ADGRL3: variants seen among roughly 807,000 people sequenced by gnomAD.
ADGRL3 encodes the protein adhesion G protein-coupled receptor L3.
In ADGRL3, 62 loss-of-function variants were observed where a neutral mutation model predicts 153.5. The ratio of observed to expected loss-of-function variants is 0.40; its 90% CI spans 0.33 to 0.50. The LOEUF is 0.50. Among genes scored for constraint, ADGRL3 ranks in the 20% least tolerant of loss-of-function variants. The pLI, the probability that ADGRL3 is intolerant of heterozygous loss-of-function variation, is 0.47. For synonymous variants in ADGRL3, 710 were observed against 672.5 expected (o/e 1.06, Z -0.86); for missense variants, 1,641 against 1,859.4 (o/e 0.88, Z 2.16).
chr4:61,850,715 A>T (rs1383696745), intron 9 of ADGRL3, among the ~76,000 whole-genome samples: 1 of 152,172 alleles, frequency 6.6e-6, no homozygotes, highest in Non-Finnish European at 1.5e-5. Context: ...ATTACTCCTT[A>T]ATAATAGCTA....
At position 61,277,011 on chromosome 4, in the gene ADGRL3, A is replaced by G. The variant is rs376471651; in HGVS notation, c.-240+75246A>G. Among the ~76,000 whole-genome samples the G allele has an allele frequency of 2.6e-5, 4 of 152,152 alleles. 1 individual carries two copies. Among genetic ancestry groups the G allele is most frequent in the East Asian group, 1.9e-4 (1 of 5,196 alleles). On this transcript the variant is annotated intron_variant, in intron 1 of 26. Transcript: ENST00000683033. ...TTTCTACTGTAACTATTAGAATGAA[A>G]CTACCCCCTATTTCATTTGTTTATT...
At chr4:61,765,014 C>A (rs1013997243) in intron 8 of ADGRL3, among the ~76,000 whole-genome samples, 4 of 152,000 alleles carry the variant, frequency 2.6e-5, no homozygotes, top group African/African-American at 7.3e-5. Context: ...TATAAAAGGT[C>A]TAAGAATTGG....
intron 3 of ADGRL3, among the ~76,000 whole-genome samples, chr4:61,506,947 A>C (rs958645429): frequency 3.9e-5 from 6 of 152,198 alleles, no homozygotes; most frequent in African/African-American, 9.6e-5. Flanking sequence ...AATAAAAAAA[A>C]CCCTCTGTAT....
At chr4:61,663,789 A>C (rs1295263431) in intron 5 of ADGRL3, among the ~76,000 whole-genome samples, 2 of 152,224 alleles carry the variant, frequency 1.3e-5, no homozygotes, top group East Asian at 3.8e-4. Context: ...AGTTATGAAG[A>C]CTATGTTTCA....
At chr4:61,759,469 A>T (rs9762431) in intron 8 of ADGRL3, among the ~76,000 whole-genome samples, 13,255 of 152,218 alleles carry the variant, frequency 0.087, 1,224 homozygotes, top group African/African-American at 0.23. Flanking sequence ...CAGATCGACT[A>T]CGAGGCTTGT....
At chr4:61,873,696 C>T (rs2098458495) in intron 9 of ADGRL3, among the ~76,000 whole-genome samples, 1 of 152,144 alleles carries the variant, frequency 6.6e-6, no homozygotes, top group Admixed American at 6.5e-5. Context: ...AGCCCTCTCA[C>T]TGAACAAAGA....
chr4:61,806,493 A>G (rs1026757438), intron 8 of ADGRL3, among the ~76,000 whole-genome samples: 2 of 151,876 alleles, frequency 1.3e-5, no homozygotes, highest in African/African-American at 4.8e-5. Flanking sequence ...TTATAAACAC[A>G]TATTTGCTAT....
At chr4:61,241,701 A>G (rs1196091464) in intron 1 of ADGRL3, among the ~76,000 whole-genome samples, 1 of 152,030 alleles carries the variant, frequency 6.6e-6, no homozygotes, top group Non-Finnish European at 1.5e-5. Flanking sequence ...CTTGTTTACA[A>G]CTTAATGTAT....
intron 6 of ADGRL3, among the ~76,000 whole-genome samples, chr4:61,726,210 G>GTGTTTTTTTTTTTTTTTTTTTTTT (rs2096336451): frequency 8.4e-6 from 1 of 118,480 alleles, no homozygotes; most frequent in African/African-American, 3.2e-5. Context: ...TTTTTTTTTT[G>GTGTTTTTTTTTTTTTTTTTTTTTT]TTTTTTGAGA....
intron 9 of ADGRL3, among the ~76,000 whole-genome samples, chr4:61,839,322 C>CT (rs1345294476): frequency 6.6e-6 from 1 of 152,028 alleles, no homozygotes; most frequent in Admixed American, 6.5e-5. Flanking sequence ...TCCTGAGTAG[C>CT]TAGTCCCACA....
intron 4 of ADGRL3, among the ~76,000 whole-genome samples, chr4:61,562,910 A>C (rs1477022023): frequency 1.4e-5 from 2 of 146,406 alleles, no homozygotes; most frequent in Non-Finnish European, 3.0e-5. Flanking sequence ...GCACCATTGC[A>C]CTCCAGCCTG....
chr4:61,488,507 G>A (rs2098222005), intron 2 of ADGRL3, among the ~76,000 whole-genome samples: 1 of 151,866 alleles, frequency 6.6e-6, no homozygotes, highest in Admixed American at 6.6e-5. Context: ...GGTATTGCAG[G>A]GAAGAAATGA....
chr4:61,977,009 A>G (rs1032333148), intron 17 of ADGRL3, among the ~76,000 whole-genome samples: 5 of 152,094 alleles, frequency 3.3e-5, no homozygotes, highest in African/African-American at 9.7e-5. Flanking sequence ...TTAAAAGGTG[A>G]ATTATTTACT....
At chr4:61,375,065 G>A (rs969355038) in intron 1 of ADGRL3, among the ~76,000 whole-genome samples, 2 of 151,754 alleles carry the variant, frequency 1.3e-5, no homozygotes, top group South Asian at 2.1e-4. Context: ...TGACAATTTG[G>A]CCTTCTAGAT....
chr4:61,822,002 A>T (rs2097760195), intron 9 of ADGRL3, among the ~76,000 whole-genome samples: 1 of 152,236 alleles, frequency 6.6e-6, no homozygotes, highest in African/African-American at 2.4e-5. Flanking sequence ...GGAATGTCAC[A>T]TCTGGCATTC....
intron 17 of ADGRL3, among the ~76,000 whole-genome samples, chr4:61,953,665 G>T (rs1357216054): frequency 6.6e-6 from 1 of 152,138 alleles, no homozygotes; most frequent in East Asian, 1.9e-4. Context: ...AAGAGAAACT[G>T]CAGCTAGAGT....
At chr4:61,775,516 A>C (rs2097137690) in intron 8 of ADGRL3, 1 of 759,486 alleles carries the variant, frequency 1.3e-6, no homozygotes. Context: ...ATAGTCCTTA[A>C]CTACTGCACA....
rs2151942043 is a variant in ADGRL3 at position 62,072,519 on chromosome 4, T to A, written c.*1611T>A. 1 of 152,664 alleles carries A rather than the reference T, an allele frequency of 6.6e-6. No individual in the cohort carries two copies. Among genetic ancestry groups the A allele is most frequent in the Admixed American group, 6.5e-5 (1 of 15,272 alleles). The allele number at this position is 152,664 out of a possible 1,614,324, so 9.5% of individuals were successfully genotyped here. On this transcript the variant is annotated 3_prime_UTR_variant, in exon 27 of 27. Transcript: ENST00000683033. ...CGCCTTTCTTTCTTTCTGTTTTCAA[T>A]ACATAAACTTTGCTAATCCTCTGTG...
intron 8 of ADGRL3, among the ~76,000 whole-genome samples, chr4:61,770,845 G>C (rs1435928488): frequency 1.3e-5 from 2 of 152,164 alleles, no homozygotes; most frequent in African/African-American, 2.4e-5. Flanking sequence ...CATGCCTTTA[G>C]AAAGTTTTAA....
Sources: allele counts gnomAD v4.1 joint callset (sites outside exome capture counted in the v4.1 genomes callset), GRCh38; gene constraint gnomAD v4.1.1; transcripts MANE v1.5; gene names NCBI Gene and HGNC (gene_info 2026-07-23, HGNC 2026-07-21).